DLG2: variants seen among roughly 807,000 people sequenced by gnomAD.
DLG2 encodes the protein discs large MAGUK scaffold protein 2.
DLG2 carries 45 observed loss-of-function variants against 132.5 expected under a neutral mutation model. The observed-to-expected ratio is 0.34, with a 90% CI of 0.27 to 0.44. The LOEUF is 0.44. Among genes scored for constraint, DLG2 ranks in the 20% least tolerant of loss-of-function variants. The pLI, the probability that DLG2 is intolerant of heterozygous loss-of-function variation, is 1.00. For synonymous variants in DLG2, 424 were observed against 419.6 expected (o/e 1.01, Z -0.13); for missense variants, 1,045 against 1,196.9 (o/e 0.87, Z 1.87).
intron 9 of DLG2, among the ~76,000 whole-genome samples, chr11:84,104,583 T>C (rs1595358197): frequency 6.6e-6 from 1 of 152,088 alleles, no homozygotes. Context: ...AGTTATAAAT[T>C]AAAAATAAAA....
intron 9 of DLG2, among the ~76,000 whole-genome samples, chr11:84,117,983 G>A (rs2093716560): frequency 6.6e-6 from 1 of 152,018 alleles, no homozygotes; most frequent in Non-Finnish European, 1.5e-5. Context: ...AGCTTCCGGA[G>A]TAGCTGAGAC....
intron 6 of DLG2, among the ~76,000 whole-genome samples, chr11:84,615,559 A>G (rs1227176056): frequency 6.6e-6 from 1 of 152,024 alleles, no homozygotes; most frequent in Non-Finnish European, 1.5e-5. Context: ...GATTGGACAC[A>G]GTCCTTAGCT....
chr11:83,633,368 C>T, intron 18 of DLG2, 43 bp from the exon 19 acceptor site: 1 of 1,551,176 alleles, frequency 6.4e-7, no homozygotes, highest in Non-Finnish European at 8.8e-7. Context: ...TCTGTGCCCT[C>T]AAGAGTTGGA....
At chr11:84,803,332 C>T (rs1410815067) in intron 6 of DLG2, among the ~76,000 whole-genome samples, 1 of 152,148 alleles carries the variant, frequency 6.6e-6, no homozygotes, top group Non-Finnish European at 1.5e-5. Context: ...GGGAGCTATT[C>T]TGTGTCTTCT....
chr11:84,017,702 GA>G (rs1226614476), intron 11 of DLG2, among the ~76,000 whole-genome samples: 7 of 152,088 alleles, frequency 4.6e-5, no homozygotes, highest in Admixed American at 4.6e-4. Flanking sequence ...TAAGTACTAA[GA>G]AAAGGATGCC....
intron 3 of DLG2, among the ~76,000 whole-genome samples, chr11:85,375,784 A>C (rs1295909709): frequency 6.6e-6 from 1 of 152,202 alleles, no homozygotes; most frequent in East Asian, 1.9e-4. Context: ...TGCTCTTGTA[A>C]AGCAAGAGAC....
chr11:83,768,325 C>T (rs559055808), intron 18 of DLG2, among the ~76,000 whole-genome samples: 1 of 152,310 alleles, frequency 6.6e-6, no homozygotes, highest in Admixed American at 6.5e-5. Flanking sequence ...GTACCTTCTA[C>T]ATTAGATGCT....
Position 83,748,289 on chromosome 11 carries a change from T to C in DLG2, c.1825+38401A>G, listed in dbSNP as rs533581663. The stretch of plus-strand genomic sequence containing the variant: ...AACTATCAACCACACCTTGACTAGT[T>C]CCAGATCTCTAACTGTGGATTAGAC... On this transcript the variant is annotated intron_variant, in intron 18 of 27. Coordinates refer to ENST00000376104, the MANE Select transcript of DLG2 (RefSeq NM_001142699.3). Among the ~76,000 whole-genome samples, 7 of 152,332 alleles carry C rather than the reference T, an allele frequency of 4.6e-5. No individual in the cohort carries two copies. In the South Asian group the frequency reaches 1.4e-3, roughly 32 times the overall value.
chr11:84,308,209 G>C (rs993556904), intron 7 of DLG2, among the ~76,000 whole-genome samples: 5 of 152,020 alleles, frequency 3.3e-5, no homozygotes, highest in Non-Finnish European at 7.4e-5. Context: ...TGATTGGTGC[G>C]TTTACAATCC....
At chr11:84,684,249 G>A (rs188057366) in intron 6 of DLG2, among the ~76,000 whole-genome samples, 711 of 152,268 alleles carry the variant, frequency 4.7e-3, no homozygotes, top group Non-Finnish European at 6.9e-3. Flanking sequence ...GTGGCATTTA[G>A]AAGGTATATT....
At chr11:84,339,460 T>C (rs1271349865) in intron 7 of DLG2, among the ~76,000 whole-genome samples, 2 of 152,216 alleles carry the variant, frequency 1.3e-5, no homozygotes, top group African/African-American at 4.8e-5. Context: ...CAAATGCTTA[T>C]TGGTATTTGT....
chr11:84,590,481 A>T (rs968418968), intron 6 of DLG2, among the ~76,000 whole-genome samples: 1 of 152,206 alleles, frequency 6.6e-6, no homozygotes, highest in African/African-American at 2.4e-5. Flanking sequence ...GGCACTCAAT[A>T]AACACACAAT....
chr11:83,841,359 T>C (rs2057482577), intron 16 of DLG2, among the ~76,000 whole-genome samples: 1 of 152,260 alleles, frequency 6.6e-6, no homozygotes, highest in African/African-American at 2.4e-5. Context: ...ATCATTATTA[T>C]ACATCATTAT....
At chr11:84,905,286 T>C (rs2091376463) in intron 6 of DLG2, among the ~76,000 whole-genome samples, 1 of 152,184 alleles carries the variant, frequency 6.6e-6, no homozygotes, top group African/African-American at 2.4e-5. Context: ...TCTACTTCTT[T>C]AGTCTCTCCT....
intron 4 of DLG2, among the ~76,000 whole-genome samples, chr11:85,191,710 G>C (rs1195327002): frequency 1.3e-5 from 2 of 152,056 alleles, no homozygotes; most frequent in Non-Finnish European, 2.9e-5. Context: ...ATATAGATTG[G>C]TTTTCTGGGA....
At chr11:83,860,671 G>T (rs759426544) in intron 16 of DLG2, among the ~76,000 whole-genome samples, 1 of 152,116 alleles carries the variant, frequency 6.6e-6, no homozygotes, top group East Asian at 1.9e-4. Flanking sequence ...TTAAGACTTT[G>T]GGGGACTGTT....
intron 3 of DLG2, among the ~76,000 whole-genome samples, chr11:85,440,949 T>C (rs908547596): frequency 6.6e-6 from 1 of 152,224 alleles, no homozygotes; most frequent in African/African-American, 2.4e-5. Context: ...TGGTACCTTG[T>C]CACGTCCATT....
intron 18 of DLG2, among the ~76,000 whole-genome samples, chr11:83,662,966 C>T (rs2074701781): frequency 6.6e-6 from 1 of 152,160 alleles, no homozygotes; most frequent in Admixed American, 6.6e-5. Context: ...AACTGTGGCT[C>T]AGGAAACGGC....
intron 19 of DLG2, among the ~76,000 whole-genome samples, chr11:83,617,880 C>A (rs1024172446): frequency 6.6e-6 from 1 of 152,096 alleles, no homozygotes; most frequent in African/African-American, 2.4e-5. Flanking sequence ...GGCTATAGTC[C>A]CAGGTACTCA....
Sources: allele counts gnomAD v4.1 joint callset (sites outside exome capture counted in the v4.1 genomes callset), GRCh38; gene constraint gnomAD v4.1.1; transcripts MANE v1.5; gene names NCBI Gene and HGNC (gene_info 2026-07-23, HGNC 2026-07-21).